PARP1: variants seen among roughly 807,000 people sequenced by gnomAD.
PARP1 encodes the protein poly [ADP-ribose] polymerase 1.
A neutral mutation model predicts 118.7 loss-of-function variants in PARP1; 44 were observed. That is an observed-to-expected ratio of 0.37 (90% CI 0.29 to 0.48). The LOEUF is 0.48. PARP1 is among the 20% of genes least tolerant of loss of function. PARP1 has a pLI of 0.99. For missense variants in PARP1, 1,100 were observed against 1,272.4 expected (o/e 0.86, Z 2.06); for synonymous variants, 492 against 483.2 (o/e 1.02, Z -0.24).
chr1:226,402,318 C>A lies in PARP1; in HGVS notation c.182G>T (p.Gly61Val), dbSNP rs758791748. The change falls in exon 2 of 23, where the codon GGC becomes GTC. Residue 61 changes from glycine to valine, a missense_variant. Coordinates refer to ENST00000366794, the MANE Select transcript of PARP1 (RefSeq NM_001618.4). ...WYHFSCFWKV[G>V]HSIRHPDVEV... Reference sequence around the variant, plus strand: ...AACGTCAGGGTGCCGGATGGAGTGGCCCACCTTCCAGAAGCAGGAGAAGTG... The same window carrying A: ...AACGTCAGGGTGCCGGATGGAGTGGACCACCTTCCAGAAGCAGGAGAAGTG... 5.6e-6 allele frequency: 9 copies of A among 1,613,898 alleles called. No individual in the cohort carries two copies. In the East Asian group the frequency reaches 2.0e-4, roughly 36 times the overall value.
chr1:226,408,058 G>T lies in PARP1; in HGVS notation c.-129C>A. 1.5e-6 allele frequency: 2 copies of T among 1,323,384 alleles called. No homozygotes were observed. Among genetic ancestry groups the T allele is most frequent in the Non-Finnish European group, 2.1e-6 (2 of 946,514 alleles). 82.0% of individuals were successfully genotyped at this position (1,323,384 alleles called of 1,614,324 possible). ...AGCGGCCAGAGCCGCCACCGAACACGCCGCACCGGCCACCGCCGTTCCCTG... is the reference window on the plus strand; with the variant it reads ...AGCGGCCAGAGCCGCCACCGAACACTCCGCACCGGCCACCGCCGTTCCCTG... On this transcript the variant is annotated 5_prime_UTR_variant, in exon 1 of 23. Coordinates refer to ENST00000366794, the MANE Select transcript of PARP1 (RefSeq NM_001618.4).
intron 2 of PARP1, 61 bp from the exon 3 acceptor site, chr1:226,392,375 G>A: frequency 8.5e-7 from 1 of 1,182,868 alleles, no homozygotes; most frequent in Non-Finnish European, 1.3e-6. Context: ...GCTCAGAGGA[G>A]CCCCGTCCTC....
At chr1:226,398,448 T>C (rs1664966720) in intron 2 of PARP1, among the ~76,000 whole-genome samples, 1 of 146,968 alleles carries the variant, frequency 6.8e-6, no homozygotes, top group Admixed American at 6.9e-5. Context: ...GAGGCTGAGG[T>C]GGGAGACAGA....
chr1:226,402,205 T>C lies in PARP1; in HGVS notation c.286+9A>G, dbSNP rs759450900. On this transcript the variant is annotated intron_variant, in intron 2 of 22. Coordinates refer to ENST00000366794, the MANE Select transcript of PARP1 (RefSeq NM_001618.4). ...GCTGAATGCCCATGCTGCCCCAGTA[T>C]GTACACACCTGTCACTCCTCCAGCT... 3.1e-6 allele frequency: 5 copies of C among 1,614,202 alleles called. No individual in the cohort carries two copies. Among genetic ancestry groups the C allele is most frequent in the South Asian group, 1.1e-5 (1 of 91,086 alleles).
rs1186737077 is a variant in PARP1, at chr1:226,370,423, C to T, written c.2154+11G>A. ...AGGGTTCCAGGAGGCCCCTGGTAGC[C>T]CTGTGCTTACCTGCTGGACCTCACT... On this transcript the variant is annotated intron_variant, in intron 15 of 22. Coordinates refer to ENST00000366794, the MANE Select transcript of PARP1 (RefSeq NM_001618.4). 6.2e-7 allele frequency: 1 copy of T among 1,609,198 alleles called. No homozygotes were observed. The highest frequency in any genetic ancestry group is 1.1e-5 in the South Asian group (1 of 90,972).
chr1:226,390,176 G>A (rs1664795975), intron 4 of PARP1, among the ~76,000 whole-genome samples: 1 of 152,156 alleles, frequency 6.6e-6, no homozygotes, highest in Non-Finnish European at 1.5e-5. Context: ...CCAGGAAGCA[G>A]GTCTCACAGG....
intron 12 of PARP1, 104 bp downstream of exon 12, chr1:226,379,038 C>T: frequency 7.3e-7 from 1 of 1,375,290 alleles, no homozygotes; most frequent in African/African-American, 1.4e-5. Context: ...TTTCATTCCC[C>T]AGGCACTGGG....
chr1:226,380,882 G>T (rs1028217789), intron 9 of PARP1, among the ~76,000 whole-genome samples, 186 bp downstream of exon 9: 3 of 152,174 alleles, frequency 2.0e-5, no homozygotes, highest in African/African-American at 7.2e-5. Flanking sequence ...CAATGCATGT[G>T]AATCTACAGT....
intron 2 of PARP1, among the ~76,000 whole-genome samples, chr1:226,393,962 G>A (rs531450362): frequency 4.6e-5 from 7 of 152,256 alleles, no homozygotes; most frequent in South Asian, 2.1e-4. Flanking sequence ...AAATACAATA[G>A]ACAAAACTAA....
intron 1 of PARP1, among the ~76,000 whole-genome samples, chr1:226,407,589 G>A (rs886293840): frequency 1.9e-4 from 29 of 152,222 alleles, no homozygotes; most frequent in Non-Finnish European, 4.0e-4. Context: ...ACCAGCTGCA[G>A]ACTTTATTTC....
chr1:226,398,036 A>G (rs908823018), intron 2 of PARP1, among the ~76,000 whole-genome samples: 1 of 152,188 alleles, frequency 6.6e-6, no homozygotes, highest in African/African-American at 2.4e-5. Flanking sequence ...ACCAAAATGG[A>G]TAACAGACCT....
At chr1:226,402,787 G>A (rs1665063230) in intron 1 of PARP1, among the ~76,000 whole-genome samples, 1 of 152,248 alleles carries the variant, frequency 6.6e-6, no homozygotes, top group African/African-American at 2.4e-5. Flanking sequence ...AGCATCTGCT[G>A]GGAATGGCCA....
intron 7 of PARP1, among the ~76,000 whole-genome samples, chr1:226,384,471 A>G (rs1363982945): frequency 6.6e-6 from 1 of 152,280 alleles, no homozygotes; most frequent in Non-Finnish European, 1.5e-5. Context: ...AACCTTTAAA[A>G]ATGTATATAG....
At chr1:226,402,502 T>C (rs1665058721) in intron 1 of PARP1, 123 bp from the exon 2 acceptor site, 9 of 905,954 alleles carry the variant, frequency 9.9e-6, no homozygotes, top group Non-Finnish European at 1.6e-5. Context: ...CATGAAACTT[T>C]TGTTCTCCTA....
chr1:226,394,722 C>T (rs564616662), intron 2 of PARP1, among the ~76,000 whole-genome samples: 1 of 152,218 alleles, frequency 6.6e-6, no homozygotes, highest in African/African-American at 2.4e-5. Flanking sequence ...GGAGTGTAGG[C>T]TGTGATCGTT....
intron 11 of PARP1, 141 bp downstream of exon 11, chr1:226,379,432 G>A: frequency 1.7e-6 from 2 of 1,167,996 alleles, no homozygotes; most frequent in South Asian, 1.2e-5. Context: ...GACTGGGGGA[G>A]CTGGTGAAGG....
chr1:226,391,259 C>G (rs1664815267), intron 3 of PARP1, among the ~76,000 whole-genome samples: 1 of 152,052 alleles, frequency 6.6e-6, no homozygotes, highest in Non-Finnish European at 1.5e-5. Flanking sequence ...CACTTTTGTA[C>G]TAGCAGGGAC....
chr1:226,365,771 AAAAAAAC>A lies in PARP1; in HGVS notation c.2505+176_2505+182del, dbSNP rs1225150395. 1.9e-4 allele frequency among the ~76,000 whole-genome samples: 9 copies of A among 46,878 alleles called. 1 individual carries two copies. The highest frequency in any genetic ancestry group is 8.6e-4 in the African/African-American group (8 of 9,328). 30.8% of individuals were successfully genotyped at this position (46,878 alleles called of 152,430 possible). On this transcript the variant is annotated intron_variant, in intron 18 of 22. Transcript: ENST00000366794. Reference sequence around the variant, plus strand: ...GATAGAGTGAGACTCCATGTCAAAAAAAAAAACAAAAAACAAACAAACAAAAAAAAAA... The same window carrying A: ...GATAGAGTGAGACTCCATGTCAAAAAAAAAAACAAACAAACAAAAAAAAAA...
chr1:226,393,890 A>G (rs959938533), intron 2 of PARP1, among the ~76,000 whole-genome samples: 1 of 152,246 alleles, frequency 6.6e-6, no homozygotes, highest in Admixed American at 6.5e-5. Context: ...ACACACCACA[A>G]ATGAGAAGAC....
Sources: allele counts gnomAD v4.1 joint callset (sites outside exome capture counted in the v4.1 genomes callset), GRCh38; gene constraint gnomAD v4.1.1; transcripts MANE v1.5; gene names NCBI Gene and HGNC (gene_info 2026-07-23, HGNC 2026-07-21).